Variants in CNTN4 observed in about 807,000 individuals in gnomAD.
CNTN4 encodes the protein contactin 4.
In CNTN4, 77 loss-of-function variants were observed where a neutral mutation model predicts 122.5. The ratio of observed to expected loss-of-function variants is 0.63; its 90% CI spans 0.52 to 0.76. CNTN4 has a LOEUF of 0.76. Among genes scored for constraint, CNTN4 ranks in the 30% least tolerant of loss-of-function variants. The pLI is 0.00. For synonymous variants in CNTN4, 512 were observed against 447.0 expected, an observed-to-expected ratio of 1.15 and a Z score of -1.83; for missense variants, 1,256 against 1,259.1, an observed-to-expected ratio of 1.00 and a Z score of 0.04.
chr3:2,712,463 C>G (rs2087209100), intron 4 of CNTN4, among the ~76,000 whole-genome samples: 1 of 152,086 alleles, frequency 6.6e-6, no homozygotes, highest in East Asian at 1.9e-4. Context: ...ATTAAGATCC[C>G]TGTAACAGAA....
intron 3 of CNTN4, among the ~76,000 whole-genome samples, chr3:2,568,208 A>T (rs945524708): frequency 6.6e-6 from 1 of 150,912 alleles, no homozygotes; most frequent in African/African-American, 2.4e-5. Context: ...TTAAGGGAAA[A>T]CTGATTCATG....
chr3:2,997,618 G>T (rs1695650856), intron 14 of CNTN4, among the ~76,000 whole-genome samples: 1 of 152,122 alleles, frequency 6.6e-6, no homozygotes, highest in Non-Finnish European at 1.5e-5. Context: ...AAGACTTTAG[G>T]CCTTTAGGTT....
In CNTN4 at chr3:2,978,147, G is replaced by A. The variant is rs895985567; in HGVS notation, c.1359-10198G>A. Reference sequence around the variant, plus strand: ...GTATAGATCTTTATTGTTGTAAAGCGCCTAGTTTGTGGTGTGTTGCTATGG... The same window carrying A: ...GTATAGATCTTTATTGTTGTAAAGCACCTAGTTTGTGGTGTGTTGCTATGG... On this transcript the variant is annotated intron_variant, in intron 13 of 24. Coordinates refer to ENST00000418658, the MANE Select transcript of CNTN4 (RefSeq NM_175607.3). 1.1e-4 allele frequency among the ~76,000 whole-genome samples: 16 copies of A among 152,138 alleles called. No homozygotes were observed. The East Asian group carries it at 1.9e-3, about 18-fold the overall frequency.
chr3:2,638,082 G>A (rs1482985489), intron 4 of CNTN4, among the ~76,000 whole-genome samples: 1 of 152,134 alleles, frequency 6.6e-6, no homozygotes, highest in African/African-American at 2.4e-5. Context: ...CCACAGTGGT[G>A]GAATTTATAG....
At position 2,400,476 on chromosome 3, in the gene CNTN4, T is replaced by G. The variant is rs11129126; in HGVS notation, c.-89+61243T>G. On this transcript the variant is annotated intron_variant, in intron 3 of 24. Coordinates refer to ENST00000418658, the MANE Select transcript of CNTN4 (RefSeq NM_175607.3). ...CTCTTTTTTTCCTTCTTCTTAAATT[T>G]TATTACAAGATATTGGAATCACATG... is the stretch of plus-strand genomic sequence containing the variant. Among the ~76,000 whole-genome samples the G allele has an allele frequency of 4.9e-3, 699 of 144,116 alleles. 9 individuals carry two copies. The highest frequency in any genetic ancestry group is 0.016 in the African/African-American group (643 of 39,874). 94.5% of individuals were successfully genotyped at this position (144,116 alleles called of 152,430 possible).
At chr3:2,536,201 G>C (rs2077798398) in intron 3 of CNTN4, among the ~76,000 whole-genome samples, 1 of 152,066 alleles carries the variant, frequency 6.6e-6, no homozygotes. Context: ...TTATATATCT[G>C]GGAACCTTTT....
chr3:2,613,009 A>T (rs898929069), intron 4 of CNTN4, among the ~76,000 whole-genome samples: 8 of 152,154 alleles, frequency 5.3e-5, no homozygotes, highest in Non-Finnish European at 1.2e-4. Flanking sequence ...GTTTAAGAAC[A>T]CAATGTTGTA....
chr3:2,857,044 C>T (rs556321163), intron 7 of CNTN4, among the ~76,000 whole-genome samples: 84 of 152,278 alleles, frequency 5.5e-4, no homozygotes, highest in African/African-American at 2.0e-3. Flanking sequence ...AGACAAAAAA[C>T]CTCTATGGAA....
At position 2,576,518 on chromosome 3, in the gene CNTN4, C is replaced by CTTATT. The variant is rs921374407; in HGVS notation, c.55+4973_55+4977dup. ...TGGTGCAACACTGCCTCTCCCATTT[C>CTTATT]TTATTTTATTTTATTTTTGTTACTG... On this transcript the variant is annotated intron_variant, in intron 4 of 24. Transcript: ENST00000418658. Among the ~76,000 whole-genome samples, 6 of 150,400 alleles carry CTTATT rather than the reference C, an allele frequency of 4.0e-5. No individual in the cohort carries two copies. In the South Asian group the frequency reaches 1.1e-3, roughly 27 times the overall value.
At chr3:2,162,396 G>T (rs2036004408) in intron 2 of CNTN4, among the ~76,000 whole-genome samples, 1 of 152,162 alleles carries the variant, frequency 6.6e-6, no homozygotes, top group Admixed American at 6.5e-5. Context: ...GACCATGGTG[G>T]CAATTTAAGC....
intron 4 of CNTN4, among the ~76,000 whole-genome samples, chr3:2,729,368 T>TGCTGAAAC (rs2088485166): frequency 6.9e-6 from 1 of 145,204 alleles, no homozygotes; most frequent in African/African-American, 2.6e-5. Context: ...ATTGAGACCA[T>TGCTGAAAC]CCCGGCTAAC....
In CNTN4 at chr3:3,042,849, T is replaced by A. The variant is rs1700290244; in HGVS notation, c.2512-128T>A. The A allele has an allele frequency of 7.8e-6, 6 of 771,068 alleles. 1 individual carries two copies. In the South Asian group the frequency reaches 9.2e-5, roughly 12 times the overall value. The allele number at this position is 771,068 out of a possible 1,614,324, so 47.8% of individuals were successfully genotyped here. A position where few individuals can be genotyped will look rare whatever the true frequency, so the allele number is the denominator to read the frequency against. On this transcript the variant is annotated intron_variant, in intron 21 of 24. Coordinates refer to ENST00000418658, the MANE Select transcript of CNTN4 (RefSeq NM_175607.3). ...GGATATACAGAGTCCTTTGTCCTGA[T>A]AGCTCTGCTCATGATGTAGTATAGA... is the stretch of plus-strand genomic sequence containing the variant.
chr3:2,324,158 AG>A (rs2043368199), intron 2 of CNTN4, among the ~76,000 whole-genome samples: 2 of 152,090 alleles, frequency 1.3e-5, no homozygotes, highest in African/African-American at 4.8e-5. Context: ...TCTGGCGGGG[AG>A]GGGGCAAGAA....
At chr3:2,469,889 T>G (rs1365761356) in intron 3 of CNTN4, among the ~76,000 whole-genome samples, 2 of 152,198 alleles carry the variant, frequency 1.3e-5, no homozygotes, top group Non-Finnish European at 2.9e-5. Flanking sequence ...TGCTTATGAA[T>G]TTTGCAGGAG....
intron 2 of CNTN4, among the ~76,000 whole-genome samples, chr3:2,135,649 T>G (rs1489220245): frequency 6.6e-6 from 1 of 151,416 alleles, no homozygotes; most frequent in African/African-American, 2.5e-5. Flanking sequence ...TTTGGGAAAG[T>G]GTGGAAATGG....
chr3:2,101,704 AATTT>A (rs1401859727), intron 2 of CNTN4, among the ~76,000 whole-genome samples: 18 of 152,200 alleles, frequency 1.2e-4, no homozygotes, highest in Non-Finnish European at 7.3e-5. Flanking sequence ...ATATCAATAA[AATTT>A]ATTTATAAAC....
At chr3:2,939,922 C>T (rs551881002) in intron 13 of CNTN4, among the ~76,000 whole-genome samples, 4 of 152,176 alleles carry the variant, frequency 2.6e-5, no homozygotes, top group South Asian at 2.1e-4. Flanking sequence ...TGTTAGCCAT[C>T]GGCAGAATAT....
At chr3:2,857,939 G>A (rs548643270) in intron 7 of CNTN4, among the ~76,000 whole-genome samples, 1 of 152,248 alleles carries the variant, frequency 6.6e-6, no homozygotes, top group East Asian at 1.9e-4. Flanking sequence ...ACCAACAAAA[G>A]TATGCAACTA....
intron 2 of CNTN4, among the ~76,000 whole-genome samples, chr3:2,178,411 T>C (rs1170726202): frequency 6.6e-6 from 1 of 151,936 alleles, no homozygotes; most frequent in Non-Finnish European, 1.5e-5. Flanking sequence ...CACAAAGTAG[T>C]GTTTGCTTTA....
Sources: gnomAD v4.1 joint callset for allele counts (sites outside exome capture counted in the v4.1 genomes callset) on GRCh38, gnomAD v4.1.1 for gene constraint, MANE v1.5 for transcripts, NCBI Gene and HGNC (gene_info 2026-07-23, HGNC 2026-07-21) for gene names.